The following SORCS2 variants were observed in gnomAD, a reference collection of about 807,000 sequenced individuals.
The protein encoded by SORCS2 is VPS10 domain-containing receptor SorCS2.
Under a neutral mutation model 141.6 loss-of-function variants are expected in SORCS2, and 100 were observed. The observed-to-expected ratio is 0.71, with a 90% confidence interval of 0.60 to 0.83. The LOEUF (loss-of-function observed/expected upper bound fraction) is 0.83, where lower values mean the gene tolerates loss of function less well. Among genes scored for constraint, SORCS2 ranks in the 40% least tolerant of loss-of-function variants. SORCS2 has a pLI of 0.00. For missense variants in SORCS2, 1,646 were observed against 1,560.2 expected (o/e 1.05, Z -0.93); for synonymous variants, 789 against 676.9 (o/e 1.17, Z -2.57).
intron 10 of SORCS2, 118 bp from the exon 11 acceptor site, chr4:7,689,368 C>A (rs1490014965): frequency 2.2e-6 from 2 of 906,052 alleles, no homozygotes; most frequent in Non-Finnish European, 3.4e-6. Flanking sequence ...CTCCAAGGCA[C>A]TCCTGGCCCA....
At chr4:7,523,839 C>A (rs111327191) in intron 2 of SORCS2, among the ~76,000 whole-genome samples, 1 of 152,282 alleles carries the variant, frequency 6.6e-6, no homozygotes, top group South Asian at 2.1e-4. Flanking sequence ...TCCTCGAAGC[C>A]GTACACTTAA....
chr4:7,631,407 G>A (rs1228104496), intron 3 of SORCS2, among the ~76,000 whole-genome samples: 1 of 151,992 alleles, frequency 6.6e-6, no homozygotes, highest in African/African-American at 2.4e-5. Context: ...GAGGGGGTGG[G>A]AGGGCCAGCT....
chr4:7,282,983 TCATTCATTCATC>T (rs1467213178), intron 1 of SORCS2, among the ~76,000 whole-genome samples: 17 of 152,360 alleles, frequency 1.1e-4, no homozygotes, highest in Non-Finnish European at 2.9e-5. Flanking sequence ...ACTCATTCAT[TCATTCATTCATC>T]CATTAATTCA....
chr4:7,472,452 G>A (rs1730034717), intron 2 of SORCS2, among the ~76,000 whole-genome samples: 1 of 152,186 alleles, frequency 6.6e-6, no homozygotes, highest in Admixed American at 6.5e-5. Flanking sequence ...CCTGCAGCTG[G>A]TCAGGGACAG....
At chr4:7,374,033 A>G (rs1722449433) in intron 1 of SORCS2, among the ~76,000 whole-genome samples, 1 of 152,140 alleles carries the variant, frequency 6.6e-6, no homozygotes, top group Non-Finnish European at 1.5e-5. Flanking sequence ...GAAGTTTTAC[A>G]GTTTCAGAGT....
intron 2 of SORCS2, among the ~76,000 whole-genome samples, chr4:7,471,523 A>G (rs1729975342): frequency 6.6e-6 from 1 of 152,198 alleles, no homozygotes; most frequent in Non-Finnish European, 1.5e-5. Context: ...GTTCCAGGGA[A>G]GAGGGAGCAG....
intron 3 of SORCS2, among the ~76,000 whole-genome samples, chr4:7,611,903 A>C (rs1246400130): frequency 6.6e-6 from 1 of 152,226 alleles, no homozygotes; most frequent in Non-Finnish European, 1.5e-5. Context: ...GCCCTGGCTC[A>C]GGCTCTGTGG....
intron 1 of SORCS2, among the ~76,000 whole-genome samples, chr4:7,285,582 G>A (rs1716163720): frequency 6.6e-6 from 1 of 152,228 alleles, no homozygotes; most frequent in Non-Finnish European, 1.5e-5. Context: ...CAAGGCGCGA[G>A]CCCCTCCTTC....
At chr4:7,662,739 C>T (rs1722255877) in intron 6 of SORCS2, among the ~76,000 whole-genome samples, 1 of 152,250 alleles carries the variant, frequency 6.6e-6, no homozygotes, top group African/African-American at 2.4e-5. Context: ...CTCTTTTCAA[C>T]TCCATATTCA....
chr4:7,314,800 G>GTTT (rs397880294), intron 1 of SORCS2, among the ~76,000 whole-genome samples: 23 of 109,832 alleles, frequency 2.1e-4, no homozygotes, highest in South Asian at 2.9e-4. Flanking sequence ...CCACTGTTCT[G>GTTT]TTTTTTTTTT....
intron 3 of SORCS2, among the ~76,000 whole-genome samples, chr4:7,582,475 G>A (rs529250524): frequency 1.2e-4 from 19 of 152,232 alleles, no homozygotes; most frequent in African/African-American, 2.9e-4. Context: ...GGGTGCGGCC[G>A]GAAAGGCGGC....
intron 21 of SORCS2, among the ~76,000 whole-genome samples, chr4:7,727,441 T>C (rs1727304090): frequency 6.9e-6 from 1 of 144,770 alleles, no homozygotes; most frequent in South Asian, 2.4e-4. Context: ...CCCCCCCCCT[T>C]GTCAAGGAGG....
chr4:7,689,633 C>T, intron 11 of SORCS2, 45 bp downstream of exon 11: 2 of 1,507,288 alleles, frequency 1.3e-6, no homozygotes, highest in Non-Finnish European at 1.8e-6. Context: ...CCATTACAGC[C>T]CAAGAGTACC....
intron 1 of SORCS2, among the ~76,000 whole-genome samples, chr4:7,250,945 G>T (rs1361409170): frequency 6.6e-6 from 1 of 152,250 alleles, no homozygotes; most frequent in Non-Finnish European, 1.5e-5. Context: ...GCCACCAGAG[G>T]CAACGAGGAA....
At chr4:7,516,633 C>T (rs1482037823) in intron 2 of SORCS2, among the ~76,000 whole-genome samples, 2 of 152,088 alleles carry the variant, frequency 1.3e-5, no homozygotes, top group Admixed American at 6.5e-5. Flanking sequence ...GCAGGACAGG[C>T]GTCGGGGCTG....
intron 4 of SORCS2, among the ~76,000 whole-genome samples, chr4:7,651,435 G>C (rs561056271): frequency 1.3e-5 from 2 of 152,192 alleles, no homozygotes; most frequent in Non-Finnish European, 2.9e-5. Context: ...ACTCTGGAGA[G>C]AGAAGAGGAG....
At chr4:7,514,990 G>A (rs2109480600) in intron 2 of SORCS2, among the ~76,000 whole-genome samples, 1 of 152,298 alleles carries the variant, frequency 6.6e-6, no homozygotes, top group South Asian at 2.1e-4. Context: ...GCCAGCCTTT[G>A]GAATGTGAAG....
At chr4:7,531,386 C>CT in intron 2 of SORCS2, 144 bp from the exon 3 acceptor site, 1 of 672,880 alleles carries the variant, frequency 1.5e-6, no homozygotes, top group Non-Finnish European at 2.6e-6. Flanking sequence ...TACACTGCCC[C>CT]CAGGCAGAGT....
chr4:7,632,019 T>G (rs2108849864), intron 3 of SORCS2, among the ~76,000 whole-genome samples: 1 of 152,338 alleles, frequency 6.6e-6, no homozygotes. Flanking sequence ...AAAAGCCGTC[T>G]GTGTGATCAC....
Sources: allele counts gnomAD v4.1 joint callset (sites outside exome capture counted in the v4.1 genomes callset), GRCh38; gene constraint gnomAD v4.1.1; transcripts MANE v1.5; gene names NCBI Gene and HGNC (gene_info 2026-07-23, HGNC 2026-07-21).